Variants in ASTN2 observed in about 807,000 individuals in gnomAD.
The protein encoded by ASTN2 is astrotactin 2, also known as astrotactin-2.
In ASTN2, 54 loss-of-function variants were observed where a neutral mutation model predicts 139.8. That is an observed-to-expected ratio of 0.39 (90% CI 0.31 to 0.48). The LOEUF is 0.48. Among genes scored for constraint, ASTN2 ranks in the 20% least tolerant of loss-of-function variants. The pLI is 0.95. For synonymous variants in ASTN2, 756 were observed against 719.5 expected, an observed-to-expected ratio of 1.05 and a Z score of -0.81; for missense variants, 1,565 against 1,725.1, an observed-to-expected ratio of 0.91 and a Z score of 1.64.
chr9:116,838,363 G>C (rs1200727988), intron 11 of ASTN2, among the ~76,000 whole-genome samples: 3 of 151,918 alleles, frequency 2.0e-5, no homozygotes, highest in Non-Finnish European at 4.4e-5. Context: ...GCCCGCCTCA[G>C]CACTCCCAAA....
intron 20 of ASTN2, among the ~76,000 whole-genome samples, chr9:116,454,212 T>C (rs558412625): frequency 2.0e-5 from 3 of 152,186 alleles, no homozygotes; most frequent in Admixed American, 6.5e-5. Context: ...ATATCCCTTA[T>C]ATAGATACAA....
intron 4 of ASTN2, among the ~76,000 whole-genome samples, chr9:117,123,093 T>C (rs1037419819): frequency 6.6e-6 from 1 of 152,076 alleles, no homozygotes; most frequent in African/African-American, 2.4e-5. Flanking sequence ...TAATCATGTA[T>C]CAGGATCACC....
At chr9:116,936,955 G>T (rs1317181237) in intron 10 of ASTN2, among the ~76,000 whole-genome samples, 1 of 152,150 alleles carries the variant, frequency 6.6e-6, no homozygotes, top group African/African-American at 2.4e-5. Flanking sequence ...GGACTCTAGG[G>T]CCTTGAATAT....
chr9:117,010,590 G>C (rs759525179), intron 6 of ASTN2, among the ~76,000 whole-genome samples: 1 of 152,158 alleles, frequency 6.6e-6, no homozygotes, highest in East Asian at 1.9e-4. Flanking sequence ...TATATGAAAA[G>C]TGTGATACCA....
intron 2 of ASTN2, among the ~76,000 whole-genome samples, chr9:117,273,705 G>A (rs148729451): frequency 3.3e-5 from 5 of 152,068 alleles, no homozygotes; most frequent in African/African-American, 1.2e-4. Flanking sequence ...CCTTTCACAT[G>A]GTGTTAAAGG....
chr9:116,717,657 T>C (rs905643761), intron 16 of ASTN2, among the ~76,000 whole-genome samples: 5 of 151,774 alleles, frequency 3.3e-5, no homozygotes, highest in Non-Finnish European at 7.4e-5. Flanking sequence ...AATTAAGGAG[T>C]TTAGATTCAG....
At chr9:116,535,636 G>T (rs943775184) in intron 19 of ASTN2, among the ~76,000 whole-genome samples, 2 of 152,138 alleles carry the variant, frequency 1.3e-5, no homozygotes, top group Non-Finnish European at 2.9e-5. Context: ...CGCTGGATAT[G>T]AAATTCTGGG....
chr9:116,447,849 A>AC (rs1307243023), intron 20 of ASTN2, among the ~76,000 whole-genome samples: 1 of 152,180 alleles, frequency 6.6e-6, no homozygotes, highest in South Asian at 2.1e-4. Context: ...CTCTGACTTC[A>AC]CCCCCAACTG....
intron 5 of ASTN2, among the ~76,000 whole-genome samples, chr9:117,062,572 A>C (rs1475523763): frequency 1.3e-5 from 2 of 152,212 alleles, no homozygotes; most frequent in African/African-American, 4.8e-5. Flanking sequence ...GAATCAGAGA[A>C]AGGTTTTTTA....
intron 17 of ASTN2, among the ~76,000 whole-genome samples, chr9:116,622,133 A>C (rs1370223413): frequency 6.6e-6 from 1 of 152,124 alleles, no homozygotes; most frequent in Non-Finnish European, 1.5e-5. Flanking sequence ...CACTTTTTTC[A>C]TTCTGCATTG....
At chr9:116,492,018 T>C (rs530149243) in intron 19 of ASTN2, among the ~76,000 whole-genome samples, 5 of 152,210 alleles carry the variant, frequency 3.3e-5, no homozygotes, top group South Asian at 2.1e-4. Context: ...TCATATAAAA[T>C]ACTGTATACT....
chr9:117,377,140 C>T (rs1364592020), intron 1 of ASTN2, among the ~76,000 whole-genome samples: 1 of 152,158 alleles, frequency 6.6e-6, no homozygotes, highest in African/African-American at 2.4e-5. Context: ...TTGGAGAGGT[C>T]TTTTGAACTC....
In ASTN2 at chr9:116,699,722, G is replaced by A. The variant is rs752319293; in HGVS notation, c.2806+26049C>T. 3.7e-6 allele frequency: 6 copies of A among 1,614,058 alleles called. No homozygotes were observed. The Admixed American group carries it at 6.7e-5, about 18-fold the overall frequency. On this transcript the variant is annotated intron_variant, in intron 16 of 22. Transcript: ENST00000313400. The surrounding 1 kb of genome is among the most constrained non-coding windows in gnomAD (Gnocchi z 4.2). The stretch of plus-strand genomic sequence containing the variant: ...CCCCATAGGGGATGAGAAATTATCA[G>A]TTTCTTCTGCTCCCAAGCCAACTTC...
At chr9:117,057,796 A>G (rs1025505553) in intron 5 of ASTN2, among the ~76,000 whole-genome samples, 11 of 152,230 alleles carry the variant, frequency 7.2e-5, no homozygotes, top group African/African-American at 2.2e-4. Context: ...AAAAGCCAGC[A>G]GGATTCAAAT....
chr9:116,921,465 G>GTAGTC (rs1834603075), intron 10 of ASTN2, among the ~76,000 whole-genome samples: 1 of 151,980 alleles, frequency 6.6e-6, no homozygotes, highest in Non-Finnish European at 1.5e-5. Flanking sequence ...GAGGTCGCCT[G>GTAGTC]TAGTCCCAGC....
intron 1 of ASTN2, among the ~76,000 whole-genome samples, chr9:117,296,039 G>A (rs1414489570): frequency 1.3e-5 from 2 of 151,988 alleles, no homozygotes; most frequent in Non-Finnish European, 2.9e-5. Context: ...CTGCACTTTG[G>A]GAGGCCTAGG....
chr9:117,235,263 G>A (rs547877323), intron 2 of ASTN2, among the ~76,000 whole-genome samples: 1 of 151,354 alleles, frequency 6.6e-6, no homozygotes, highest in East Asian at 1.9e-4. Context: ...GGCGGGGGGA[G>A]GATAAAATTT....
At chr9:117,208,486 T>C (rs576822156) in intron 3 of ASTN2, among the ~76,000 whole-genome samples, 1 of 151,416 alleles carries the variant, frequency 6.6e-6, no homozygotes, top group Non-Finnish European at 1.5e-5. Flanking sequence ...GAATAAATAA[T>C]ACAAAAAAAA....
intron 17 of ASTN2, among the ~76,000 whole-genome samples, chr9:116,624,280 G>C (rs1042151094): frequency 6.6e-6 from 1 of 152,098 alleles, no homozygotes; most frequent in East Asian, 1.9e-4. Flanking sequence ...CCAAATGAGG[G>C]GGTAGAAGAT....
Sources: gnomAD v4.1 joint callset for allele counts (sites outside exome capture counted in the v4.1 genomes callset) on GRCh38, gnomAD v4.1.1 for gene constraint, Gnocchi (gnomAD v3.1) non-coding constraint, MANE v1.5 for transcripts, NCBI Gene and HGNC (gene_info 2026-07-23, HGNC 2026-07-21) for gene names.